The following COL23A1 variants were observed in gnomAD, a reference collection of about 807,000 sequenced individuals.
COL23A1 encodes collagen type XXIII alpha 1 chain.
COL23A1 carries 97 observed loss-of-function variants against 99.3 expected under a neutral mutation model. That is an observed-to-expected ratio of 0.98 (90% confidence interval 0.83 to 1.16). COL23A1 has a LOEUF of 1.16. Among genes scored for constraint, COL23A1 ranks in the 50% most tolerant of loss-of-function variants. The probability of loss-of-function intolerance (pLI) is 0.00; values close to 1 mark genes in which losing one functional copy is unlikely to be tolerated. For synonymous variants in COL23A1, 320 were observed against 308.2 expected, an observed-to-expected ratio of 1.04 and a Z score of -0.40; for missense variants, 762 against 757.4, an observed-to-expected ratio of 1.01 and a Z score of -0.07.
Position 178,375,176 on chromosome 5 carries a change from C to T in COL23A1, c.362-68257G>A, listed in dbSNP as rs561488736. Among the ~76,000 whole-genome samples the T allele has an allele frequency of 9.2e-5, 14 of 152,084 alleles. No homozygotes were observed. In the South Asian group the frequency reaches 2.1e-3, roughly 23 times the overall value. ...GTGACATGAACCACAGAAGGTCACACGCTGCAGGAGTCCATTTCTAGGAAA... is the reference window on the plus strand; with the variant it reads ...GTGACATGAACCACAGAAGGTCACATGCTGCAGGAGTCCATTTCTAGGAAA... On this transcript the variant is annotated intron_variant, in intron 2 of 28. Transcript: ENST00000390654.
intron 2 of COL23A1, among the ~76,000 whole-genome samples, chr5:178,411,922 T>C (rs575866088): frequency 2.1e-4 from 32 of 152,340 alleles, no homozygotes; most frequent in African/African-American, 7.0e-4. Flanking sequence ...TAGAAACTTG[T>C]GTGTAATGTT....
intron 13 of COL23A1, 118 bp from the exon 14 acceptor site, chr5:178,257,046 T>C: frequency 3.4e-6 from 3 of 874,464 alleles, no homozygotes; most frequent in African/African-American, 1.7e-5. Flanking sequence ...TGGCAAATTG[T>C]TACTGAGTCC....
In COL23A1 at chr5:178,246,254, C is replaced by A; in HGVS notation, c.1413G>T (p.Lys471Asn). ...AGGGAGTTCCGAATGAGGCGGTTAC[C>A]TTCTCTCCTTTGGTTCCTGGCAGCC... ...LIGLPGTKGE[K>N]GRPGEPGLDG... The change falls in exon 24 of 29, where the codon AAG (lysine) becomes AAT (asparagine). Residue 471 changes from lysine (K) to asparagine (N), a missense_variant and splice_region_variant. By Grantham distance (94) the Lys-to-Asn change is moderately conservative (BLOSUM62 0). Coordinates refer to ENST00000390654, the MANE Select transcript of COL23A1 (RefSeq NM_173465.4). The A allele has an allele frequency of 6.4e-7, 1 of 1,553,618 alleles. No individual in the cohort carries two copies. Among genetic ancestry groups the A allele is most frequent in the East Asian group, 2.4e-5 (1 of 41,278 alleles).
intron 2 of COL23A1, among the ~76,000 whole-genome samples, chr5:178,453,563 A>C (rs1026123171): frequency 2.0e-5 from 3 of 152,156 alleles, no homozygotes; most frequent in African/African-American, 7.2e-5. Flanking sequence ...TCTACCCCTT[A>C]ATTTAAAAGT....
chr5:178,551,683 C>A (rs2113476014), intron 2 of COL23A1, among the ~76,000 whole-genome samples: 1 of 152,296 alleles, frequency 6.6e-6, no homozygotes, highest in Non-Finnish European at 1.5e-5. Context: ...ATCAACCCTC[C>A]TCCCCGTGCC....
At chr5:178,573,940 A>C (rs262060) in intron 1 of COL23A1, among the ~76,000 whole-genome samples, 10,530 of 152,004 alleles carry the variant, frequency 0.069, 565 homozygotes, top group South Asian at 0.13. Context: ...CTCACTGCAA[A>C]TTCAGCCTCC....
intron 2 of COL23A1, among the ~76,000 whole-genome samples, chr5:178,348,155 GCC>G (rs1761095498): frequency 6.6e-6 from 1 of 151,630 alleles, no homozygotes; most frequent in Non-Finnish European, 1.5e-5. Flanking sequence ...CCCTGACGCC[GCC>G]CCCCGACTGG....
In COL23A1 at chr5:178,565,585, T is replaced by C. The variant is rs963304302; in HGVS notation, c.295-4837A>G. 2.0e-5 allele frequency among the ~76,000 whole-genome samples: 3 copies of C among 152,142 alleles called. 1 individual carries two copies. The highest frequency in any genetic ancestry group is 6.3e-3 in the Middle Eastern group (2 of 316). ...ATAACAAATACAACTGAAGTATTAT[T>C]ATCAAGACTGGATTACATATTATGG... On this transcript the variant is annotated intron_variant, in intron 1 of 28. Coordinates refer to ENST00000390654, the MANE Select transcript of COL23A1 (RefSeq NM_173465.4).
At chr5:178,305,850 C>T (rs1012122257) in intron 3 of COL23A1, among the ~76,000 whole-genome samples, 9 of 151,900 alleles carry the variant, frequency 5.9e-5, no homozygotes, top group African/African-American at 2.2e-4. Flanking sequence ...GGGGACTTGG[C>T]GTGGGCAGGG....
intron 2 of COL23A1, among the ~76,000 whole-genome samples, chr5:178,331,206 G>A (rs1207734021): frequency 1.3e-5 from 2 of 152,210 alleles, no homozygotes; most frequent in African/African-American, 2.4e-5. Flanking sequence ...TGGCTTGGGC[G>A]GCTTGTGGGT....
chr5:178,246,963 A>G (rs1304910814), intron 22 of COL23A1, among the ~76,000 whole-genome samples: 4 of 152,174 alleles, frequency 2.6e-5, no homozygotes, highest in Non-Finnish European at 5.9e-5. Context: ...CTGGGGAAGC[A>G]GAGATTTGCT....
intron 1 of COL23A1, among the ~76,000 whole-genome samples, chr5:178,574,105 C>A (rs1044529241): frequency 6.6e-6 from 1 of 152,128 alleles, no homozygotes; most frequent in African/African-American, 2.4e-5. Flanking sequence ...GTGATCCACC[C>A]ACCTCAGCCT....
At chr5:178,380,710 G>A (rs1763333501) in intron 2 of COL23A1, among the ~76,000 whole-genome samples, 1 of 152,220 alleles carries the variant, frequency 6.6e-6, no homozygotes, top group African/African-American at 2.4e-5. Context: ...GGCCGGGACA[G>A]AGGCAGGGAG....
At chr5:178,398,920 G>A (rs910705442) in intron 2 of COL23A1, among the ~76,000 whole-genome samples, 2 of 152,210 alleles carry the variant, frequency 1.3e-5, no homozygotes, top group African/African-American at 2.4e-5. Flanking sequence ...TGGCACTGAC[G>A]AGCTGCCCCA....
At chr5:178,531,950 C>T (rs1408880745) in intron 2 of COL23A1, among the ~76,000 whole-genome samples, 1 of 152,336 alleles carries the variant, frequency 6.6e-6, no homozygotes, top group East Asian at 1.9e-4. Flanking sequence ...CTGCCTGAGT[C>T]CTCAGAAGGG....
chr5:178,299,012 G>A (rs975200810), intron 3 of COL23A1, among the ~76,000 whole-genome samples: 3 of 152,070 alleles, frequency 2.0e-5, no homozygotes, highest in Non-Finnish European at 4.4e-5. Flanking sequence ...TGAATTTTTG[G>A]GTTAAATCCC....
At chr5:178,481,365 C>T (rs1757329432) in intron 2 of COL23A1, among the ~76,000 whole-genome samples, 1 of 151,904 alleles carries the variant, frequency 6.6e-6, no homozygotes, top group African/African-American at 2.4e-5. Flanking sequence ...GAAGAAAAAA[C>T]AGATAAGCTG....
intron 12 of COL23A1, 89 bp downstream of exon 12, chr5:178,259,632 T>TA: frequency 2.2e-5 from 11 of 501,676 alleles, no homozygotes; most frequent in Non-Finnish European, 2.7e-5. Context: ...CCCGTCCCCA[T>TA]CCCCATCCCC....
intron 25 of COL23A1, among the ~76,000 whole-genome samples, chr5:178,242,896 A>G (rs1764483588): frequency 6.6e-6 from 1 of 152,204 alleles, no homozygotes; most frequent in African/African-American, 2.4e-5. Context: ...CACTGGGGAC[A>G]CAGAATTGGA....
Sources: gnomAD v4.1 joint callset for allele counts (sites outside exome capture counted in the v4.1 genomes callset) on GRCh38, gnomAD v4.1.1 for gene constraint, MANE v1.5 for transcripts, NCBI Gene and HGNC (gene_info 2026-07-23, HGNC 2026-07-21) for gene names.